Variants in SLC26A7 observed in about 807,000 individuals in gnomAD.
SLC26A7 encodes solute carrier family 26 member 7, also known as anion exchange transporter.
In SLC26A7, 59 loss-of-function variants were observed where a neutral mutation model predicts 82.5. The ratio of observed to expected loss-of-function variants is 0.72; its 90% CI spans 0.58 to 0.89. SLC26A7 has a LOEUF of 0.89. Ranked by LOEUF, SLC26A7 falls within the 40% of genes least tolerant of loss-of-function variation. SLC26A7 has a pLI of 0.00. For synonymous variants in SLC26A7, 271 were observed against 274.3 expected (o/e 0.99, Z 0.12); for missense variants, 820 against 793.0 (o/e 1.03, Z -0.41).
intron 1 of SLC26A7, chr8:91,218,862 A>C (rs1217238432): frequency 7.0e-7 from 1 of 1,426,944 alleles, no homozygotes; most frequent in Non-Finnish European, 9.6e-7. Flanking sequence ...ACACTGCCTA[A>C]ATTTTATTTT....
chr8:91,327,847 T>A (rs1812975091), intron 5 of SLC26A7, among the ~76,000 whole-genome samples: 1 of 152,160 alleles, frequency 6.6e-6, no homozygotes, highest in Non-Finnish European at 1.5e-5. Context: ...TTATGTGTTG[T>A]TTTTAGTGTA....
intron 2 of SLC26A7, among the ~76,000 whole-genome samples, chr8:91,225,212 T>G (rs1810216932): frequency 6.6e-6 from 1 of 152,192 alleles, no homozygotes; most frequent in African/African-American, 2.4e-5. Flanking sequence ...CTCCTCCTTC[T>G]GGGAGTTCAT....
chr8:91,237,454 A>G (rs1441832090), intron 2 of SLC26A7, among the ~76,000 whole-genome samples: 6 of 152,048 alleles, frequency 3.9e-5, no homozygotes, highest in Non-Finnish European at 8.8e-5. Context: ...TTTCCTCTCT[A>G]TTTCAGATTC....
chr8:91,212,641 G>C (rs985790833), intron 1 of SLC26A7, among the ~76,000 whole-genome samples: 1 of 152,060 alleles, frequency 6.6e-6, no homozygotes. Context: ...AGTTATTACT[G>C]TTAAGATACC....
At chr8:91,382,356 C>T (rs1255232939) in intron 15 of SLC26A7, among the ~76,000 whole-genome samples, 1 of 152,148 alleles carries the variant, frequency 6.6e-6, no homozygotes, top group Non-Finnish European at 1.5e-5. Context: ...CTCTCCATCC[C>T]AGCCAGACAA....
At chr8:91,358,644 G>C (rs1434414912) in intron 11 of SLC26A7, among the ~76,000 whole-genome samples, 1 of 151,590 alleles carries the variant, frequency 6.6e-6, no homozygotes, top group South Asian at 2.1e-4. Context: ...ACATATGTTT[G>C]TTGCGGCACT....
chr8:91,331,418 C>G (rs1563682913), intron 5 of SLC26A7, among the ~76,000 whole-genome samples: 1 of 152,066 alleles, frequency 6.6e-6, no homozygotes, highest in Non-Finnish European at 1.5e-5. Context: ...TTTTATTTTA[C>G]TCTTTAAATG....
chr8:91,356,864 T>C (rs1220398296), intron 11 of SLC26A7, among the ~76,000 whole-genome samples: 1 of 152,170 alleles, frequency 6.6e-6, no homozygotes, highest in East Asian at 1.9e-4. Flanking sequence ...TTGTAATGCA[T>C]TTTTAGGGGA....
intron 14 of SLC26A7, among the ~76,000 whole-genome samples, chr8:91,368,966 A>G (rs1814278006): frequency 1.3e-5 from 2 of 152,202 alleles, no homozygotes. Context: ...GGCTATAAAG[A>G]AGAGAAAACA....
At chr8:91,254,189 T>C (rs73305627) in intron 2 of SLC26A7, among the ~76,000 whole-genome samples, 1 of 152,188 alleles carries the variant, frequency 6.6e-6, no homozygotes, top group African/African-American at 2.4e-5. Context: ...AAAGTCCAGA[T>C]GCCCAGCTTC....
rs1395646920 is a variant in SLC26A7, at chr8:91,332,516, AC to A, written c.643-1778del. Reference sequence around the variant, plus strand: ...TACACACACACACACACACACACACACACACACACACACACACATATTTAAG... The same window carrying A: ...TACACACACACACACACACACACACAACACACACACACACACATATTTAAG... On this transcript the variant is annotated intron_variant, in intron 5 of 18. Transcript: ENST00000276609. 1.3e-3 allele frequency among the ~76,000 whole-genome samples: 192 copies of A among 147,498 alleles called. 3 individuals carry two copies. The highest frequency in any genetic ancestry group is 4.7e-3 in the African/African-American group (189 of 40,096).
At chr8:91,327,439 G>T (rs977696729) in intron 5 of SLC26A7, among the ~76,000 whole-genome samples, 3 of 152,008 alleles carry the variant, frequency 2.0e-5, no homozygotes, top group African/African-American at 4.8e-5. Context: ...TAGTTTATTC[G>T]GTGGTGCTAC....
At chr8:91,254,113 T>C (rs1018010294) in intron 2 of SLC26A7, among the ~76,000 whole-genome samples, 1 of 152,132 alleles carries the variant, frequency 6.6e-6, no homozygotes, top group Non-Finnish European at 1.5e-5. Context: ...GTAAAAGATA[T>C]GTTTTCTTTG....
intron 8 of SLC26A7, 182 bp downstream of exon 8, chr8:91,340,733 T>C: frequency 1.5e-6 from 1 of 659,020 alleles, no homozygotes. Flanking sequence ...CTGACATTGA[T>C]TGTTCACAAT....
intron 2 of SLC26A7, among the ~76,000 whole-genome samples, chr8:91,283,829 G>C (rs762520697): frequency 6.6e-6 from 1 of 152,168 alleles, no homozygotes; most frequent in Admixed American, 6.5e-5. Context: ...GGGGGTGTTA[G>C]TTGGATAATA....
At chr8:91,363,659 A>G (rs1563700606) in intron 13 of SLC26A7, 121 bp downstream of exon 13, 1 of 536,518 alleles carries the variant, frequency 1.9e-6, no homozygotes, top group Non-Finnish European at 3.2e-6. Flanking sequence ...TTTAATTAGT[A>G]TAAACTTCCA....
intron 2 of SLC26A7, among the ~76,000 whole-genome samples, chr8:91,266,389 G>A (rs1586340214): frequency 6.6e-6 from 1 of 151,344 alleles, no homozygotes; most frequent in Non-Finnish European, 1.5e-5. Context: ...TTTTATTTGG[G>A]TCTTCTTCAA....
intron 15 of SLC26A7, among the ~76,000 whole-genome samples, 183 bp from the exon 16 acceptor site, chr8:91,389,155 C>T (rs1252280882): frequency 6.6e-6 from 1 of 151,990 alleles, no homozygotes; most frequent in Non-Finnish European, 1.5e-5. Flanking sequence ...AATTGCATTC[C>T]AGTAATACAA....
chr8:91,266,977 C>A (rs4557664), intron 2 of SLC26A7, among the ~76,000 whole-genome samples: 1 of 151,816 alleles, frequency 6.6e-6, no homozygotes, highest in Non-Finnish European at 1.5e-5. Flanking sequence ...AATACTTTTT[C>A]TTCATCTTTG....
Sources: allele counts gnomAD v4.1 joint callset (sites outside exome capture counted in the v4.1 genomes callset), GRCh38; gene constraint gnomAD v4.1.1; transcripts MANE v1.5; gene names NCBI Gene and HGNC (gene_info 2026-07-23, HGNC 2026-07-21).